Variants in PPCS observed in about 807,000 individuals in gnomAD.
PPCS encodes the protein phosphopantothenate--cysteine ligase.
A neutral mutation model predicts 24.6 loss-of-function variants in PPCS; 17 were observed. The observed-to-expected ratio is 0.69, with a 90% CI of 0.47 to 1.04. PPCS has a LOEUF of 1.04. PPCS is among the 50% of genes least tolerant of loss of function. The pLI is 0.00. For missense variants in PPCS, 360 were observed against 402.8 expected (o/e 0.89, Z 0.91); for synonymous variants, 190 against 168.3 (o/e 1.13, Z -1.00).
At chr1:42,456,536 C>T (rs926562447), upstream of PPCS, 7 of 1,443,650 alleles carry the variant, frequency 4.8e-6, no homozygotes, top group African/African-American at 5.8e-5. Context: ...GGCCGCGAAA[C>T]GTGCGCAGGC....
intron 2 of PPCS, among the ~76,000 whole-genome samples, chr1:42,471,955 A>G (rs1237880126): frequency 1.3e-5 from 2 of 152,204 alleles, no homozygotes; most frequent in Non-Finnish European, 2.9e-5. Context: ...CTGTCACTGC[A>G]ATTTGGGTCA....
chr1:42,457,138 C>T (rs1402469182), intron 1 of PPCS, 65 bp downstream of exon 1: 6 of 1,586,824 alleles, frequency 3.8e-6, no homozygotes, highest in South Asian at 1.2e-5. Context: ...CACTTATCCC[C>T]TTACCTCCTG....
At chr1:42,470,432 G>T (rs1383629157) in intron 2 of PPCS, among the ~76,000 whole-genome samples, 1 of 151,944 alleles carries the variant, frequency 6.6e-6, no homozygotes, top group Non-Finnish European at 1.5e-5. Flanking sequence ...GTTAAACATA[G>T]AATTATATAT....
chr1:42,456,383 T>G (rs1643181479), upstream of PPCS: 1 of 719,618 alleles, frequency 1.4e-6, no homozygotes, highest in Admixed American at 3.2e-5. Context: ...GCAGTGTCAC[T>G]TTCGCTGGGC....
intron 2 of PPCS, among the ~76,000 whole-genome samples, chr1:42,470,618 T>G (rs1643739005): frequency 2.0e-5 from 3 of 152,218 alleles, no homozygotes; most frequent in Admixed American, 2.0e-4. Context: ...CAATGGAATA[T>G]TATTCAATCT....
chr1:42,462,900 C>T (rs1410908225), downstream of PPCS, among the ~76,000 whole-genome samples: 2 of 152,118 alleles, frequency 1.3e-5, no homozygotes, highest in African/African-American at 4.8e-5. Flanking sequence ...CGATCTAGGC[C>T]TAAAATTCAG....
chr1:42,457,295 T>A lies in PPCS; in HGVS notation c.557T>A (p.Val186Asp). Residue 186 changes from valine (V) to aspartate (D), a missense_variant, in exon 2 of 3, where the codon GTT becomes GAT. By Grantham distance (152) the Val-to-Asp change is radical (BLOSUM62 -3). Around this residue, in one of 2 missense-constraint regions of PPCS, gnomAD observed 116 missense variants for 168.1 expected, o/e 0.69. Transcript: ENST00000372561. Reference sequence around the variant, plus strand: ...GCTGCGGCTGTGTCAGATTTCTATGTTCCTGTCTCTGAAATGCCTGAACAC... The same window carrying A: ...GCTGCGGCTGTGTCAGATTTCTATGATCCTGTCTCTGAAATGCCTGAACAC... ...YLAAAVSDFY[V>D]PVSEMPEHKI... The A allele has an allele frequency of 6.2e-7, 1 of 1,614,212 alleles. No homozygotes were observed. Among genetic ancestry groups the A allele is most frequent in the Non-Finnish European group, 8.5e-7 (1 of 1,180,022 alleles).
At chr1:42,471,441 T>G (rs1163936487) in intron 2 of PPCS, among the ~76,000 whole-genome samples, 1 of 152,228 alleles carries the variant, frequency 6.6e-6, no homozygotes, top group Admixed American at 6.5e-5. Context: ...TTCCAGTCTT[T>G]TCTTTGTGTG....
At chr1:42,466,479 T>C (rs1463342003) in intron 2 of PPCS, among the ~76,000 whole-genome samples, 3 of 152,202 alleles carry the variant, frequency 2.0e-5, no homozygotes, top group Non-Finnish European at 2.9e-5. Flanking sequence ...AGAGATTGGA[T>C]TTTTAAGAGA....
chr1:42,460,825 A>G lies in PPCS; in HGVS notation c.*899A>G, dbSNP rs555415915. ...ATTTATTGTGAGGATCAAATGAAAT[A>G]GCAAAAAGAAAGCATCAGTCTGGTG... is the stretch of plus-strand genomic sequence containing the variant. On this transcript the variant is annotated 3_prime_UTR_variant, in exon 3 of 3. Coordinates refer to ENST00000372561, the MANE Select transcript of PPCS (RefSeq NM_024664.4). Among the ~76,000 whole-genome samples, 1 of 152,396 alleles carries G rather than the reference A, an allele frequency of 6.6e-6. No individual in the cohort carries two copies. The highest frequency in any genetic ancestry group is 6.5e-5 in the Admixed American group (1 of 15,306).
chr1:42,468,235 C>T (rs12121532), intron 2 of PPCS, among the ~76,000 whole-genome samples: 34,080 of 152,174 alleles, frequency 0.22, 4,920 homozygotes, highest in Non-Finnish European at 0.31. Context: ...ATAAAACAAT[C>T]TATAACTGGT....
Position 42,456,874 on chromosome 1 carries a change from C to G in PPCS, c.309C>G (p.Ser103=), listed in dbSNP as rs7524895. ...GCTTCCCACCCCAGACTTGGCTGTC[C>G]GCTCTGCGGCCTTCGGGCCCAGCCC... ...AHRFPPQTWL[S]ALRPSGPALS... The change falls in exon 1 of 3, where the codon TCC becomes TCG. Residue 103 remains serine (S), a synonymous_variant. Coordinates refer to ENST00000372561, the MANE Select transcript of PPCS (RefSeq NM_024664.4). The G allele has an allele frequency of 1.9e-6, 3 of 1,613,214 alleles. No individual in the cohort carries two copies. The highest frequency in any genetic ancestry group is 1.7e-6 in the Non-Finnish European group (2 of 1,180,044).
intron 1 of PPCS, 25 bp downstream of exon 1, chr1:42,457,098 T>C: frequency 6.3e-7 from 1 of 1,578,276 alleles, no homozygotes; most frequent in African/African-American, 1.3e-5. Context: ...AGTACCCCTT[T>C]TGCCTGGAAG....
chr1:42,457,948 TC>T (rs1479156396), intron 2 of PPCS, among the ~76,000 whole-genome samples: 24 of 126,854 alleles, frequency 1.9e-4, no homozygotes, highest in African/African-American at 6.5e-4. Context: ...AGAGCGATAC[TC>T]CGTCGCAAAA....
Position 42,457,297 on chromosome 1 carries a change from C to A in PPCS, c.559C>A (p.Pro187Thr). 6.2e-7 allele frequency: 1 copy of A among 1,614,192 alleles called. No individual in the cohort carries two copies. The highest frequency in any genetic ancestry group is 8.5e-7 in the Non-Finnish European group (1 of 1,180,036). Reference sequence around the variant, plus strand: ...TGCGGCTGTGTCAGATTTCTATGTTCCTGTCTCTGAAATGCCTGAACACAA... The same window carrying A: ...TGCGGCTGTGTCAGATTTCTATGTTACTGTCTCTGAAATGCCTGAACACAA... ...LAAAVSDFYV[P>T]VSEMPEHKIQ... Residue 187 changes from proline to threonine, a missense_variant, in exon 2 of 3, where the codon CCT (proline) becomes ACT (threonine). Pro to Thr is a conservative substitution (Grantham distance 38). Coordinates refer to ENST00000372561, the MANE Select transcript of PPCS (RefSeq NM_024664.4).
intron 2 of PPCS, chr1:42,467,900 C>G (rs1013844392): frequency 6.6e-6 from 1 of 152,232 alleles, no homozygotes; most frequent in African/African-American, 2.4e-5. Flanking sequence ...GTCACATTCG[C>G]TAAGGACTTG....
chr1:42,461,371 A>T (rs1643405930), downstream of PPCS, among the ~76,000 whole-genome samples: 1 of 152,126 alleles, frequency 6.6e-6, no homozygotes, highest in African/African-American at 2.4e-5. Flanking sequence ...GGTCATGCTT[A>T]GTCACCCAGG....
chr1:42,472,666 C>T (rs559552060), intron 2 of PPCS, among the ~76,000 whole-genome samples: 41 of 151,060 alleles, frequency 2.7e-4, no homozygotes, highest in Non-Finnish European at 4.1e-4. Context: ...TTCCATTGTA[C>T]ATAATTTTCA....
At chr1:42,472,998 TTGCTAG>T in intron 2 of PPCS, 1 of 840,248 alleles carries the variant, frequency 1.2e-6, no homozygotes, top group Non-Finnish European at 1.5e-6. Flanking sequence ...TAGCTTTCTA[TTGCTAG>T]TACCCTAAAG....
Sources: allele counts gnomAD v4.1 joint callset (sites outside exome capture counted in the v4.1 genomes callset), GRCh38; gene constraint gnomAD v4.1.1; regional missense constraint gnomAD v4.1.1; transcripts MANE v1.5; gene names NCBI Gene and HGNC (gene_info 2026-07-23, HGNC 2026-07-21).